CKAP2L: variants seen among roughly 807,000 people sequenced by gnomAD.
CKAP2L encodes the protein cytoskeleton-associated protein 2-like.
Under a neutral mutation model 65.7 loss-of-function variants are expected in CKAP2L, and 42 were observed. The ratio of observed to expected loss-of-function variants is 0.64; its 90% CI spans 0.50 to 0.83. The LOEUF is 0.83. Among genes scored for constraint, CKAP2L ranks in the 40% least tolerant of loss-of-function variants. The pLI, the probability that CKAP2L is intolerant of heterozygous loss-of-function variation, is 0.00. For synonymous variants in CKAP2L, 325 were observed against 313.5 expected (o/e 1.04, Z -0.39); for missense variants, 908 against 871.0 (o/e 1.04, Z -0.53).
chr2:112,748,070 C>T (rs1438129648), intron 5 of CKAP2L, among the ~76,000 whole-genome samples: 2 of 152,114 alleles, frequency 1.3e-5, no homozygotes, highest in African/African-American at 4.8e-5. Flanking sequence ...AGGATATATC[C>T]ATTACTCAAT....
intron 3 of CKAP2L, 147 bp from the exon 4 acceptor site, chr2:112,757,361 G>C (rs1680574499): frequency 4.8e-5 from 18 of 376,516 alleles, no homozygotes; most frequent in East Asian, 2.3e-4. Context: ...AGTAAAGAAA[G>C]ACTCACTAAT....
In CKAP2L at chr2:112,740,900, G is replaced by A. The variant is rs1679895201; in HGVS notation, c.1930C>T (p.Gln644Ter). ...KSCLSPKERE[Q>*]VTATPRIAKA... ...GCTATTCGGGGTGTCGCCGTGACTT[G>A]TTCCCTCTCTTTTGGAGAAAGACAA... The change falls in exon 8 of 9, where the codon CAA (glutamine) becomes TAA (stop). Residue 644 changes from glutamine (Q) to a stop codon, truncating the protein, a stop_gained. Coordinates refer to ENST00000302450, the MANE Select transcript of CKAP2L (RefSeq NM_152515.5). LOFTEE classifies it high-confidence loss of function. 1 of 1,613,774 alleles carries A rather than the reference G, an allele frequency of 6.2e-7. No individual in the cohort carries two copies.
chr2:112,756,187 C>T lies in CKAP2L; in HGVS notation c.1184G>A (p.Ser395Asn). The T allele has an allele frequency of 6.2e-7, 1 of 1,614,078 alleles. No homozygotes were observed. Among genetic ancestry groups the T allele is most frequent in the East Asian group, 2.2e-5 (1 of 44,872 alleles). The change falls in exon 4 of 9, where the codon AGC (serine) becomes AAC (asparagine). Residue 395 changes from serine to asparagine, a missense_variant. Coordinates refer to ENST00000302450, the MANE Select transcript of CKAP2L (RefSeq NM_152515.5). ...RFNSAIPSTP[S>N]IRPNGTSGNK... Reference sequence around the variant, plus strand: ...ACCACTGGTTCCATTTGGTCTTATGCTAGGGGTGCTTGGAATGGCTGAATT... The same window carrying T: ...ACCACTGGTTCCATTTGGTCTTATGTTAGGGGTGCTTGGAATGGCTGAATT...
chr2:112,761,974 A>G (rs932191942), intron 2 of CKAP2L, among the ~76,000 whole-genome samples: 29 of 152,376 alleles, frequency 1.9e-4, no homozygotes, highest in African/African-American at 6.7e-4. Context: ...ATTAATGCTA[A>G]GAAAGGACAA....
chr2:112,750,309 C>T lies in CKAP2L; in HGVS notation c.1602+1958G>A, dbSNP rs547033872. ...CAGCATCTTGTGCACACAGGCTTAC[C>T]GCGTGCTTTCACAGCCAGCATCTGT... is the stretch of plus-strand genomic sequence containing the variant. On this transcript the variant is annotated intron_variant, in intron 5 of 8. Coordinates refer to ENST00000302450, the MANE Select transcript of CKAP2L (RefSeq NM_152515.5). Among the ~76,000 whole-genome samples the T allele has an allele frequency of 2.6e-5, 4 of 152,314 alleles. No homozygotes were observed. In the East Asian group the frequency reaches 5.8e-4, roughly 22 times the overall value.
At chr2:112,744,060 C>T (rs1030050008) in intron 6 of CKAP2L, among the ~76,000 whole-genome samples, 1 of 152,112 alleles carries the variant, frequency 6.6e-6, no homozygotes, top group African/African-American at 2.4e-5. Flanking sequence ...ATGATTTCAG[C>T]TAAATGAATG....
At chr2:112,742,155 T>G (rs904285645) in intron 7 of CKAP2L, among the ~76,000 whole-genome samples, 1 of 152,128 alleles carries the variant, frequency 6.6e-6, no homozygotes, top group African/African-American at 2.4e-5. Flanking sequence ...CCAATTTATT[T>G]TCTAAAGATA....
intron 3 of CKAP2L, among the ~76,000 whole-genome samples, chr2:112,757,558 T>C (rs1442088634): frequency 6.6e-6 from 1 of 152,018 alleles, no homozygotes; most frequent in African/African-American, 2.4e-5. Context: ...CTGGCTACTT[T>C]TTTGTATTTT....
chr2:112,739,173 T>C, intron 8 of CKAP2L, 125 bp from the exon 9 acceptor site: 2 of 739,320 alleles, frequency 2.7e-6, no homozygotes, highest in Admixed American at 5.7e-5. Flanking sequence ...ACAAGAGATA[T>C]GTCTAGAGCA....
chr2:112,748,843 C>T (rs1397844353), intron 5 of CKAP2L, among the ~76,000 whole-genome samples: 2 of 141,970 alleles, frequency 1.4e-5, no homozygotes, highest in Non-Finnish European at 3.0e-5. Context: ...CCAATCTAGG[C>T]AAAAGAGTGA....
At chr2:112,748,919 TCTG>T (rs1030100268) in intron 5 of CKAP2L, among the ~76,000 whole-genome samples, 5 of 151,988 alleles carry the variant, frequency 3.3e-5, no homozygotes, top group African/African-American at 1.2e-4. Flanking sequence ...TGATATATAT[TCTG>T]CAAATCATGT....
intron 4 of CKAP2L, among the ~76,000 whole-genome samples, chr2:112,755,082 C>T (rs1039416338): frequency 6.6e-5 from 10 of 152,178 alleles, no homozygotes; most frequent in African/African-American, 2.4e-4. Context: ...CACCCTGCTA[C>T]ACTTTTTAGC....
chr2:112,756,115 T>G lies in CKAP2L; in HGVS notation c.1256A>C (p.Asp419Ala). 6.2e-7 allele frequency: 1 copy of G among 1,614,174 alleles called. No homozygotes were observed. Among genetic ancestry groups the G allele is most frequent in the Non-Finnish European group, 8.5e-7 (1 of 1,180,024 alleles). ...GGGAACAGCCTTTTTCAACTTGGAG[T>G]CCAAAGTCTGTGCTTTTTGCTGAAA... ...NGFQQKAQTL[D>A]SKLKKAVPQN... Residue 419 changes from aspartate to alanine, a missense_variant, in exon 4 of 9, where the codon GAC (aspartate) becomes GCC (alanine). By Grantham distance (126) the Asp-to-Ala change is moderately radical. Coordinates refer to ENST00000302450, the MANE Select transcript of CKAP2L (RefSeq NM_152515.5).
chr2:112,756,733 G>T lies in CKAP2L; in HGVS notation c.638C>A (p.Ser213Tyr). 1 of 1,597,254 alleles carries T rather than the reference G, an allele frequency of 6.3e-7. No individual in the cohort carries two copies. Among genetic ancestry groups the T allele is most frequent in the Non-Finnish European group, 8.5e-7 (1 of 1,174,604 alleles). The change falls in exon 4 of 9, where the codon TCT becomes TAT. Residue 213 changes from serine to tyrosine, a missense_variant. Coordinates refer to ENST00000302450, the MANE Select transcript of CKAP2L (RefSeq NM_152515.5). ...TAAACTGTTCTTGGTTTGATTATAAGAGTCAGTCTTTGGCTTACTTCTGGT... is the reference window on the plus strand; with the variant it reads ...TAAACTGTTCTTGGTTTGATTATAATAGTCAGTCTTTGGCTTACTTCTGGT... ...LYTRSKPKTD[S>Y]YNQTKNSLVP...
At chr2:112,742,930 T>C in intron 6 of CKAP2L, 161 bp from the exon 7 acceptor site, 1 of 582,694 alleles carries the variant, frequency 1.7e-6, no homozygotes, top group Non-Finnish European at 3.0e-6. Flanking sequence ...TATAGCTTCA[T>C]GAGAAAAGTA....
Position 112,756,423 on chromosome 2 carries a change from A to G in CKAP2L, c.948T>C (p.Thr316=). The G allele has an allele frequency of 6.2e-7, 1 of 1,613,920 alleles. No individual in the cohort carries two copies. Among genetic ancestry groups the G allele is most frequent in the Non-Finnish European group, 8.5e-7 (1 of 1,179,924 alleles). The change falls in exon 4 of 9, where the codon ACT becomes ACC. Residue 316 remains threonine (T), a synonymous_variant. Transcript: ENST00000302450. Reference sequence around the variant, plus strand: ...CAGTAACAGGGTATGACCGTATCTTAGTTTCATTTGGTCTTTCATATTGAC... The same window carrying G: ...CAGTAACAGGGTATGACCGTATCTTGGTTTCATTTGGTCTTTCATATTGAC... ...NRSQYERPNE[T]KIRSYPVTEQ... is the part of the protein sequence containing the mutation.
intron 2 of CKAP2L, among the ~76,000 whole-genome samples, chr2:112,761,748 G>C (rs1405344760): frequency 6.6e-6 from 1 of 152,172 alleles, no homozygotes; most frequent in Non-Finnish European, 1.5e-5. Context: ...GGGAGGGCAG[G>C]AATGTCTGTC....
intron 5 of CKAP2L, among the ~76,000 whole-genome samples, chr2:112,750,509 C>T (rs1443103284): frequency 6.6e-6 from 1 of 152,192 alleles, no homozygotes; most frequent in Non-Finnish European, 1.5e-5. Context: ...GGGGCTGTGC[C>T]AGAGTCACCG....
intron 4 of CKAP2L, among the ~76,000 whole-genome samples, chr2:112,754,205 G>A (rs1431488404): frequency 1.3e-5 from 2 of 151,878 alleles, no homozygotes; most frequent in African/African-American, 2.4e-5. Flanking sequence ...CACCCCTAAC[G>A]CCCCCCTCCT....
Sources: allele counts gnomAD v4.1 joint callset (sites outside exome capture counted in the v4.1 genomes callset), GRCh38; gene constraint gnomAD v4.1.1; transcripts MANE v1.5; gene names NCBI Gene and HGNC (gene_info 2026-07-23, HGNC 2026-07-21).